The following TTC27 variants were observed in gnomAD, a reference collection of about 807,000 sequenced individuals.
The protein encoded by TTC27 is tetratricopeptide repeat protein 27.
TTC27 carries 79 observed loss-of-function variants against 115.9 expected under a neutral mutation model. The observed-to-expected ratio is 0.68, with a 90% CI of 0.57 to 0.82. The LOEUF (loss-of-function observed/expected upper bound fraction) is 0.82, where lower values mean the gene tolerates loss of function less well. Ranked by LOEUF, TTC27 falls within the 40% of genes least tolerant of loss-of-function variation. The pLI is 0.00. For synonymous variants in TTC27, 401 were observed against 356.0 expected (o/e 1.13, Z -1.42); for missense variants, 1,054 against 993.1 (o/e 1.06, Z -0.82).
At chr2:32,800,826 C>T (rs1670903426) in intron 16 of TTC27, among the ~76,000 whole-genome samples, 1 of 152,224 alleles carries the variant, frequency 6.6e-6, no homozygotes. Flanking sequence ...TGTAGCTCCT[C>T]TCATCATCAT....
intron 4 of TTC27, among the ~76,000 whole-genome samples, chr2:32,647,712 C>G (rs541637928): frequency 1.7e-4 from 26 of 152,216 alleles, no homozygotes; most frequent in African/African-American, 6.0e-4. Context: ...GTGGCATATA[C>G]CTGTCGTCCC....
At chr2:32,742,255 A>C (rs1283519422) in intron 12 of TTC27, among the ~76,000 whole-genome samples, 4 of 152,230 alleles carry the variant, frequency 2.6e-5, no homozygotes, top group Non-Finnish European at 4.4e-5. Context: ...ATTGGATATT[A>C]GCTTTGTAAG....
At chr2:32,776,160 C>T (rs569211801) in intron 13 of TTC27, among the ~76,000 whole-genome samples, 4 of 152,326 alleles carry the variant, frequency 2.6e-5, no homozygotes, top group African/African-American at 9.6e-5. Flanking sequence ...AAAATCTGTT[C>T]TCCATAAAGG....
In TTC27 at chr2:32,736,473, A is replaced by G. The variant is rs12624166; in HGVS notation, c.1330-221A>G. On this transcript the variant is annotated intron_variant, in intron 11 of 19. Transcript: ENST00000317907. The stretch of plus-strand genomic sequence containing the variant: ...TATATATTTAGCATTTTCAACAAAA[A>G]AATTGTTCTTTAATTCCTTATACCC... Among the ~76,000 whole-genome samples, 70,227 of 152,018 alleles carry G rather than the reference A, an allele frequency of 0.46. 16,675 individuals carry two copies. The highest frequency in any genetic ancestry group is 0.61 in the South Asian group (2,952 of 4,812).
chr2:32,677,790 T>C (rs909528361), intron 8 of TTC27, among the ~76,000 whole-genome samples: 7 of 152,328 alleles, frequency 4.6e-5, no homozygotes, highest in African/African-American at 1.7e-4. Context: ...AATAATGTAA[T>C]TGATCCTGGA....
chr2:32,702,989 T>C (rs1667242460), intron 10 of TTC27, 69 bp downstream of exon 10: 2 of 1,055,416 alleles, frequency 1.9e-6, no homozygotes, highest in Non-Finnish European at 2.9e-6. Context: ...CATACATGTT[T>C]GCTATGAATG....
chr2:32,809,463 ACAT>A (rs1264842821), intron 16 of TTC27, among the ~76,000 whole-genome samples: 1 of 152,218 alleles, frequency 6.6e-6, no homozygotes, highest in Non-Finnish European at 1.5e-5. Context: ...CAGACCGTCA[ACAT>A]CAGCATCACC....
At chr2:32,671,011 G>A (rs1665996649) in intron 7 of TTC27, among the ~76,000 whole-genome samples, 1 of 150,810 alleles carries the variant, frequency 6.6e-6, no homozygotes, top group Admixed American at 6.6e-5. Context: ...TCAGATATAT[G>A]TTTTGTCAGT....
intron 12 of TTC27, among the ~76,000 whole-genome samples, chr2:32,755,048 C>T (rs1669171620): frequency 6.6e-6 from 1 of 151,782 alleles, no homozygotes; most frequent in Non-Finnish European, 1.5e-5. Context: ...GGAGGGTCTC[C>T]ACACTTCTCA....
intron 13 of TTC27, 62 bp downstream of exon 13, chr2:32,758,581 T>C: frequency 6.7e-7 from 1 of 1,490,198 alleles, no homozygotes; most frequent in South Asian, 1.2e-5. Context: ...GATTTGATCT[T>C]ACAGAATGAG....
intron 5 of TTC27, among the ~76,000 whole-genome samples, chr2:32,653,547 T>C (rs1665209076): frequency 6.6e-6 from 1 of 150,504 alleles, no homozygotes; most frequent in African/African-American, 2.5e-5. Flanking sequence ...TGAGCCGAGA[T>C]TACACCACTG....
intron 19 of TTC27, among the ~76,000 whole-genome samples, chr2:32,818,099 G>A (rs1337740350): frequency 6.6e-6 from 1 of 151,398 alleles, no homozygotes; most frequent in Non-Finnish European, 1.5e-5. Context: ...TTACAATTCA[G>A]CCCTTAATGC....
intron 9 of TTC27, among the ~76,000 whole-genome samples, chr2:32,687,167 T>C (rs1666660828): frequency 6.6e-6 from 1 of 152,182 alleles, no homozygotes. Flanking sequence ...TTCTAACATA[T>C]TTAGAAGGCA....
chr2:32,723,724 C>CCTTCCTTCCTTCCT (rs1553311553), intron 10 of TTC27, among the ~76,000 whole-genome samples: 2 of 25,066 alleles, frequency 8.0e-5, no homozygotes, highest in South Asian at 1.1e-3. Context: ...CCCTCCCTCC[C>CCTTCCTTCCTTCCT]TCCCTCCTTC....
intron 7 of TTC27, among the ~76,000 whole-genome samples, chr2:32,667,115 C>T (rs1275169283): frequency 3.3e-5 from 5 of 152,110 alleles, no homozygotes; most frequent in Non-Finnish European, 7.4e-5. Flanking sequence ...GTTTCTCTAT[C>T]TGCTATCATA....
At chr2:32,681,739 A>G (rs1028832060) in intron 9 of TTC27, among the ~76,000 whole-genome samples, 4 of 149,990 alleles carry the variant, frequency 2.7e-5, no homozygotes, top group East Asian at 2.0e-4. Flanking sequence ...AAGTTAAGCT[A>G]TGATGTTTGG....
At chr2:32,816,120 C>A (rs1671493427) in intron 18 of TTC27, among the ~76,000 whole-genome samples, 1 of 151,914 alleles carries the variant, frequency 6.6e-6, no homozygotes, top group African/African-American at 2.4e-5. Context: ...TCAGCCTGAG[C>A]AACATAGTGA....
intron 10 of TTC27, among the ~76,000 whole-genome samples, chr2:32,723,971 C>CTTTTTT (rs36120062): frequency 3.2e-4 from 30 of 92,438 alleles, no homozygotes; most frequent in South Asian, 9.8e-4. Flanking sequence ...CATACATAAG[C>CTTTTTT]TTTTTTTTTT....
At chr2:32,635,625 A>G (rs1048914099) in intron 3 of TTC27, among the ~76,000 whole-genome samples, 10 of 152,168 alleles carry the variant, frequency 6.6e-5, no homozygotes, top group Admixed American at 5.2e-4. Context: ...CGGAGGTTGC[A>G]GTGAGCCAAG....
Sources: allele counts gnomAD v4.1 joint callset (sites outside exome capture counted in the v4.1 genomes callset), GRCh38; gene constraint gnomAD v4.1.1; transcripts MANE v1.5; gene names NCBI Gene and HGNC (gene_info 2026-07-23, HGNC 2026-07-21).